The following SPAM1 variants were observed in gnomAD, a reference collection of about 807,000 sequenced individuals.
SPAM1 encodes the protein hyaluronidase PH-20.
SPAM1 carries 22 observed loss-of-function variants against 29.6 expected under a neutral mutation model. The observed-to-expected ratio is 0.74, with a 90% confidence interval of 0.53 to 1.06. The LOEUF (loss-of-function observed/expected upper bound fraction) is 1.06. Among genes scored for constraint, SPAM1 ranks in the 50% least tolerant of loss-of-function variants. The pLI is 0.00. For missense variants in SPAM1, 534 were observed against 604.0 expected (o/e 0.88, Z 1.21); for synonymous variants, 194 against 204.6 (o/e 0.95, Z 0.44).
In SPAM1 at chr7:123,969,879, G is replaced by T. The variant is rs910560685; in HGVS notation, c.1486-319G>T. Among the ~76,000 whole-genome samples the T allele has an allele frequency of 1.3e-5, 2 of 151,774 alleles. 1 individual carries two copies. The highest frequency in any genetic ancestry group is 4.8e-5 in the African/African-American group (2 of 41,332). On this transcript the variant is annotated intron_variant, in intron 5 of 6. Transcript: ENST00000340011. ...AGGGATTGCATCAAATCTGTAGATT[G>T]TTTTGGATAGTATATCTAATAGCTT...
In SPAM1 at chr7:123,954,637, T is replaced by C. The variant is rs1196393972; in HGVS notation, c.954+113T>C. 5.7e-6 allele frequency: 4 copies of C among 700,684 alleles called. No homozygotes were observed. In the Admixed American group the frequency reaches 1.2e-4, roughly 21 times the overall value. The allele number at this position is 700,684 out of a possible 1,614,324, so 43.4% of individuals were successfully genotyped here. A position where few individuals can be genotyped will look rare whatever the true frequency, so the allele number is the denominator to read the frequency against. ...TCTAGCTTTTAATATTAGTCAGGAA[T>C]GTGTACACAAGTAGATCAACATTAT... On this transcript the variant is annotated intron_variant, in intron 3 of 4. Transcript: ENST00000682466.
intron 1 of SPAM1, among the ~76,000 whole-genome samples, chr7:123,948,947 T>C (rs1010088479): frequency 6.6e-6 from 1 of 150,530 alleles, no homozygotes; most frequent in Non-Finnish European, 1.5e-5. Flanking sequence ...AAAGAAGAGC[T>C]GAGGACTAAG....
At chr7:123,951,912 A>G (rs1221658871) in intron 2 of SPAM1, among the ~76,000 whole-genome samples, 1 of 152,138 alleles carries the variant, frequency 6.6e-6, no homozygotes, top group Non-Finnish European at 1.5e-5. Context: ...ATGAGCCATC[A>G]TGCCCAGCTC....
At chr7:123,933,234 T>C (rs4618636) in intron 1 of SPAM1, among the ~76,000 whole-genome samples, 38,672 of 151,434 alleles carry the variant, frequency 0.26, 5,274 homozygotes, top group East Asian at 0.46. Flanking sequence ...CCCCGACCCC[T>C]GACAGGCCCT....
intron 1 of SPAM1, among the ~76,000 whole-genome samples, chr7:123,942,516 A>G (rs2117040767): frequency 6.6e-6 from 1 of 152,372 alleles, no homozygotes; most frequent in Non-Finnish European, 1.5e-5. Flanking sequence ...TGGCCATAGT[A>G]TATGCATAAA....
intron 6 of SPAM1, chr7:123,970,353 C>T: frequency 5.3e-6 from 7 of 1,312,150 alleles, no homozygotes; most frequent in Non-Finnish European, 4.2e-6. Flanking sequence ...TTGTTTCTTC[C>T]CCTTATAAGG....
chr7:123,927,522 G>T (rs1807927429), intron 1 of SPAM1, among the ~76,000 whole-genome samples: 1 of 152,096 alleles, frequency 6.6e-6, no homozygotes, highest in Non-Finnish European at 1.5e-5. Flanking sequence ...TTGGTTTTGG[G>T]AGAAAGATGG....
chr7:123,955,785 C>A (rs1191343966), intron 4 of SPAM1, among the ~76,000 whole-genome samples: 1 of 151,818 alleles, frequency 6.6e-6, no homozygotes, highest in African/African-American at 2.4e-5. Flanking sequence ...TTTTGCATAA[C>A]TCTTTTGTCT....
At chr7:123,933,453 T>C (rs769390324) in intron 1 of SPAM1, among the ~76,000 whole-genome samples, 18 of 152,198 alleles carry the variant, frequency 1.2e-4, no homozygotes, top group Non-Finnish European at 2.5e-4. Flanking sequence ...TTACATACTT[T>C]TAAAACAAAA....
chr7:123,962,602 T>C, downstream of SPAM1, among the ~76,000 whole-genome samples: 1 of 152,014 alleles, frequency 6.6e-6, no homozygotes, highest in Middle Eastern at 3.4e-3. Flanking sequence ...CAATGTCCTG[T>C]AATGTTTTCT....
intron 1 of SPAM1, among the ~76,000 whole-genome samples, chr7:123,939,730 C>T (rs1447982736): frequency 1.3e-5 from 2 of 152,158 alleles, no homozygotes; most frequent in East Asian, 3.9e-4. Flanking sequence ...GGGTGTCCTT[C>T]CTTTCAGAGT....
chr7:123,934,497 C>A (rs547791357), intron 1 of SPAM1, among the ~76,000 whole-genome samples: 5 of 152,134 alleles, frequency 3.3e-5, no homozygotes, highest in Admixed American at 6.5e-5. Context: ...GGTTATATAT[C>A]CAAAGGAAAG....
intron 1 of SPAM1, among the ~76,000 whole-genome samples, chr7:123,944,036 C>G (rs1808503815): frequency 6.6e-6 from 1 of 152,124 alleles, no homozygotes; most frequent in South Asian, 2.1e-4. Flanking sequence ...TAATCTAACA[C>G]AGGAGTCCAT....
rs571892531 is a variant in SPAM1, at chr7:123,966,790, G to A, written c.1486-3408G>A. Reference sequence around the variant, plus strand: ...TAGGGGGAGAGCATTAAGAAGAATAGCTAATGGATGCTGGACTTAATACCC... The same window carrying A: ...TAGGGGGAGAGCATTAAGAAGAATAACTAATGGATGCTGGACTTAATACCC... On this transcript the variant is annotated intron_variant, in intron 5 of 6. Coordinates refer to the SPAM1 transcript ENST00000340011. 2.9e-4 allele frequency among the ~76,000 whole-genome samples: 44 copies of A among 152,060 alleles called. 1 individual carries two copies. In the South Asian group the frequency reaches 8.7e-3, roughly 30 times the overall value.
In SPAM1 at chr7:123,953,635, A is replaced by T; in HGVS notation, c.65A>T (p.Gln22Leu). 1 of 1,612,732 alleles carries T rather than the reference A, an allele frequency of 6.2e-7. No individual in the cohort carries two copies. Among genetic ancestry groups the T allele is most frequent in the South Asian group, 1.1e-5 (1 of 90,848 alleles). Residue 22 changes from glutamine to leucine, a missense_variant, in exon 3 of 5, where the codon CAG becomes CTG. Physicochemically the swap from Gln to Leu is moderately radical, Grantham distance 113. Transcript: ENST00000682466. ...RSFVKSSGVS[Q>L]IVFTFLLIPC... ...TTTGTTAAATCAAGTGGAGTATCCC[A>T]GATAGTTTTCACCTTCCTTCTGATT...
chr7:123,943,212 G>C (rs1259391435), intron 1 of SPAM1, among the ~76,000 whole-genome samples: 41 of 152,068 alleles, frequency 2.7e-4, no homozygotes, highest in Non-Finnish European at 1.5e-5. Context: ...TGATATTCAT[G>C]AACATTTCAG....
At chr7:123,969,566 C>T (rs938016001) in intron 5 of SPAM1, among the ~76,000 whole-genome samples, 1 of 151,912 alleles carries the variant, frequency 6.6e-6, no homozygotes, top group Non-Finnish European at 1.5e-5. Flanking sequence ...AATATATGTT[C>T]TTGGCACCTT....
chr7:123,944,546 G>A (rs1808516874), intron 1 of SPAM1, among the ~76,000 whole-genome samples: 1 of 152,164 alleles, frequency 6.6e-6, no homozygotes, highest in African/African-American at 2.4e-5. Flanking sequence ...TGTGACTGCT[G>A]CTCCCTGTGG....
chr7:123,933,210 C>G (rs1283998283), intron 1 of SPAM1, among the ~76,000 whole-genome samples: 1 of 151,838 alleles, frequency 6.6e-6, no homozygotes, highest in Non-Finnish European at 1.5e-5. Flanking sequence ...TCCTATTGCT[C>G]TCCCCCTCCT....
Sources: gnomAD v4.1 joint callset for allele counts (sites outside exome capture counted in the v4.1 genomes callset) on GRCh38, gnomAD v4.1.1 for gene constraint, MANE v1.5 for transcripts, NCBI Gene and HGNC (gene_info 2026-07-23, HGNC 2026-07-21) for gene names.